Variants in COL4A2 observed in about 807,000 individuals in gnomAD.
COL4A2 encodes collagen alpha-2(IV) chain.
In COL4A2, 99 loss-of-function variants were observed where a neutral mutation model predicts 200.2. That is an observed-to-expected ratio of 0.49 (90% confidence interval 0.42 to 0.58). COL4A2 has a LOEUF of 0.58. COL4A2 is among the 20% of genes least tolerant of loss of function. The pLI, the probability that COL4A2 is intolerant of heterozygous loss-of-function variation, is 0.00. For missense variants in COL4A2, 1,950 were observed against 2,314.1 expected (o/e 0.84, Z 3.23); for synonymous variants, 897 against 900.6 (o/e 1.00, Z 0.07).
chr13:110,352,233 G>C (rs1876993296), intron 3 of COL4A2, among the ~76,000 whole-genome samples: 1 of 152,218 alleles, frequency 6.6e-6, no homozygotes, highest in South Asian at 2.1e-4. Context: ...TTGGCCTTGG[G>C]AGGTAGGCAT....
At chr13:110,511,876 C>A (rs1884092461) in intron 47 of COL4A2, 58 bp from the exon 48 acceptor site, 14 of 1,610,688 alleles carry the variant, frequency 8.7e-6, no homozygotes, top group Non-Finnish European at 1.1e-5. Flanking sequence ...TATGCCCTGA[C>A]CCCGTGCCAC....
At chr13:110,478,816 G>A (rs893881542) in intron 30 of COL4A2, among the ~76,000 whole-genome samples, 2 of 151,904 alleles carry the variant, frequency 1.3e-5, no homozygotes, top group African/African-American at 4.8e-5. Context: ...AGTGTTGTAT[G>A]TCACCAAAGG....
chr13:110,454,399 T>C (rs1259352140), intron 20 of COL4A2, among the ~76,000 whole-genome samples: 1 of 152,198 alleles, frequency 6.6e-6, no homozygotes, highest in Non-Finnish European at 1.5e-5. Context: ...ACAATCTCTT[T>C]GTCCTGAATG....
intron 3 of COL4A2, among the ~76,000 whole-genome samples, chr13:110,321,356 C>T (rs1594144283): frequency 6.6e-6 from 1 of 152,126 alleles, no homozygotes. Context: ...TACCATTGTA[C>T]CCATGTTTAA....
At chr13:110,442,315 A>G (rs1881158623) in intron 16 of COL4A2, among the ~76,000 whole-genome samples, 1 of 152,242 alleles carries the variant, frequency 6.6e-6, no homozygotes, top group Non-Finnish European at 1.5e-5. Flanking sequence ...AGTGGGTTAC[A>G]GGGAGGCAGT....
In COL4A2 at chr13:110,503,978, C is replaced by A; in HGVS notation, c.4270C>A (p.Pro1424Thr). ...ACCGGGGGAGATGGGGCCCCAGGGC[C>A]CCCCCGGAGAACCAGGTAGAGTGCT... ...GAPGEMGPQG[P>T]PGEPGFRGAP... The change falls in exon 44 of 48, where the codon CCC (proline) becomes ACC (threonine). Residue 1424 changes from proline to threonine, a missense_variant. Coordinates refer to ENST00000360467, the MANE Select transcript of COL4A2 (RefSeq NM_001846.4). 1.3e-6 allele frequency: 2 copies of A among 1,557,502 alleles called. No individual in the cohort carries two copies. The highest frequency in any genetic ancestry group is 1.4e-5 in the African/African-American group (1 of 72,288).
At chr13:110,482,139 G>T (rs1038780576) in intron 31 of COL4A2, among the ~76,000 whole-genome samples, 1 of 152,224 alleles carries the variant, frequency 6.6e-6, no homozygotes, top group African/African-American at 2.4e-5. Context: ...GTCCTGTGTC[G>T]CATCTCCATG....
Position 110,462,191 on chromosome 13 carries a change from G to C in COL4A2, c.1669+5G>C, listed in dbSNP as rs147210424. On this transcript the variant is annotated splice_donor_5th_base_variant and intron_variant, in intron 23 of 47. Transcript: ENST00000360467. ...CCAGAACAATCACAACCAAAGGTGA[G>C]TTCCTCTCTGGCCACGCGGCCCCTG... 4.5e-4 allele frequency: 724 copies of C among 1,614,264 alleles called. 2 individuals carry two copies. In the African/African-American group the frequency reaches 8.8e-3, roughly 20 times the overall value.
intron 3 of COL4A2, among the ~76,000 whole-genome samples, chr13:110,315,718 A>G (rs761219954): frequency 6.6e-6 from 1 of 152,186 alleles, no homozygotes; most frequent in Non-Finnish European, 1.5e-5. Context: ...TTCTCCCAGT[A>G]ACATGTCTTC....
At chr13:110,317,598 C>G (rs1885175163) in intron 3 of COL4A2, among the ~76,000 whole-genome samples, 1 of 152,142 alleles carries the variant, frequency 6.6e-6, no homozygotes, top group Non-Finnish European at 1.5e-5. Flanking sequence ...GATGACTGCA[C>G]TCAGGAGAGG....
intron 40 of COL4A2, among the ~76,000 whole-genome samples, chr13:110,496,989 AG>A (rs1883481899): frequency 1.3e-5 from 2 of 149,892 alleles, no homozygotes; most frequent in African/African-American, 4.9e-5. Flanking sequence ...GTGAGGATCT[AG>A]GGTCAGTCCA....
intron 4 of COL4A2, among the ~76,000 whole-genome samples, chr13:110,393,587 A>T (rs532433772): frequency 1.3e-5 from 2 of 152,082 alleles, no homozygotes; most frequent in East Asian, 3.9e-4. Flanking sequence ...AAAGAGGGAA[A>T]AAAAAAAAAG....
intron 3 of COL4A2, among the ~76,000 whole-genome samples, chr13:110,350,599 AC>A (rs1157735740): frequency 2.6e-5 from 4 of 152,202 alleles, no homozygotes; most frequent in African/African-American, 9.7e-5. Flanking sequence ...CTTCTGTTGC[AC>A]CCAGGGTGAT....
intron 3 of COL4A2, among the ~76,000 whole-genome samples, chr13:110,317,559 C>T (rs1268032602): frequency 6.6e-6 from 1 of 152,096 alleles, no homozygotes; most frequent in Non-Finnish European, 1.5e-5. Flanking sequence ...GACTGAGTAG[C>T]CTCATGAACT....
intron 4 of COL4A2, among the ~76,000 whole-genome samples, chr13:110,409,595 C>G (rs1223826898): frequency 2.0e-5 from 3 of 152,230 alleles, no homozygotes; most frequent in African/African-American, 7.2e-5. Flanking sequence ...TGGGAAGAAC[C>G]AGTGTTCTGG....
intron 3 of COL4A2, among the ~76,000 whole-genome samples, chr13:110,314,515 C>A (rs115796284): frequency 6.6e-6 from 1 of 152,164 alleles, no homozygotes; most frequent in Non-Finnish European, 1.5e-5. Context: ...GTCCCCTGGC[C>A]GTGGGTGGAG....
intron 3 of COL4A2, among the ~76,000 whole-genome samples, chr13:110,350,885 T>G (rs1272298041): frequency 6.6e-6 from 1 of 152,168 alleles, no homozygotes; most frequent in Non-Finnish European, 1.5e-5. Flanking sequence ...ATGACCTCTT[T>G]GACTTTGTGT....
At chr13:110,505,227 G>A (rs1883815704) in intron 45 of COL4A2, among the ~76,000 whole-genome samples, 3 of 152,064 alleles carry the variant, frequency 2.0e-5, no homozygotes, top group South Asian at 4.2e-4. Flanking sequence ...GCGGGCGCCA[G>A]TAGTCCCAGC....
intron 33 of COL4A2, 131 bp downstream of exon 33, chr13:110,485,158 G>T: frequency 2.6e-6 from 2 of 764,274 alleles, no homozygotes; most frequent in Non-Finnish European, 2.0e-6. Context: ...TCATCTCTGG[G>T]CGCCCTGTGT....
Sources: allele counts gnomAD v4.1 joint callset (sites outside exome capture counted in the v4.1 genomes callset), GRCh38; gene constraint gnomAD v4.1.1; transcripts MANE v1.5; gene names NCBI Gene and HGNC (gene_info 2026-07-23, HGNC 2026-07-21).